Variants in ADGRL3 observed in about 807,000 individuals in gnomAD.
ADGRL3 encodes the protein calcium-independent alpha-latrotoxin receptor 3.
Under a neutral mutation model 153.5 loss-of-function variants are expected in ADGRL3, and 62 were observed. That is an observed-to-expected ratio of 0.40 (90% CI 0.33 to 0.50). The LOEUF (loss-of-function observed/expected upper bound fraction) is 0.50, where lower values mean the gene tolerates loss of function less well. ADGRL3 is among the 20% of genes least tolerant of loss of function. ADGRL3 has a pLI of 0.47. For missense variants in ADGRL3, 1,641 were observed against 1,859.4 expected (o/e 0.88, Z 2.16); for synonymous variants, 710 against 672.5 (o/e 1.06, Z -0.86).
chr4:61,521,091 AACAG>A (rs2098528300), intron 4 of ADGRL3, among the ~76,000 whole-genome samples: 1 of 152,182 alleles, frequency 6.6e-6, no homozygotes, highest in Non-Finnish European at 1.5e-5. Context: ...GCAACTGTGT[AACAG>A]AGGCAATACT....
intron 4 of ADGRL3, among the ~76,000 whole-genome samples, chr4:61,536,219 A>G (rs2098654961): frequency 6.6e-6 from 1 of 151,994 alleles, no homozygotes; most frequent in Non-Finnish European, 1.5e-5. Context: ...CTGGTTTCTA[A>G]TGTTATTCCG....
intron 1 of ADGRL3, among the ~76,000 whole-genome samples, chr4:61,311,840 A>T (rs937014886): frequency 6.6e-6 from 1 of 152,208 alleles, no homozygotes; most frequent in Non-Finnish European, 1.5e-5. Context: ...GTCCAGACCC[A>T]TATATATTTG....
In ADGRL3 at chr4:61,467,633, A is replaced by C. The variant is rs147314496; in HGVS notation, c.-173-29488A>C. ...GTAGAAACACTCTGAAGTGGATATG[A>C]TCTCTGGTTTTCTTATCAAAGTTTG... is the stretch of plus-strand genomic sequence containing the variant. On this transcript the variant is annotated intron_variant, in intron 2 of 26. Coordinates refer to ENST00000683033, the MANE Select transcript of ADGRL3 (RefSeq NM_001387552.1). Among the ~76,000 whole-genome samples the C allele has an allele frequency of 7.3e-3, 1,115 of 152,234 alleles. 13 individuals are homozygous for C. Among genetic ancestry groups the C allele is most frequent in the African/African-American group, 0.023 (943 of 41,562 alleles).
chr4:61,432,573 CCTTTCTTTCTTTCTTT>C (rs1219373046), intron 2 of ADGRL3, among the ~76,000 whole-genome samples: 700 of 35,748 alleles, frequency 0.02, 51 homozygotes, highest in African/African-American at 0.052. Context: ...TCTTTCTCTT[CCTTTCTTTCTTTCTTT>C]CTTTCTTTCT....
chr4:61,922,243 G>C (rs2098773326), intron 13 of ADGRL3, among the ~76,000 whole-genome samples: 1 of 151,910 alleles, frequency 6.6e-6, no homozygotes, highest in Admixed American at 6.6e-5. Context: ...TTCTATAAAT[G>C]GAATTTCAGC....
At chr4:61,569,129 A>C (rs969523830) in intron 4 of ADGRL3, among the ~76,000 whole-genome samples, 12 of 152,108 alleles carry the variant, frequency 7.9e-5, no homozygotes, top group African/African-American at 2.9e-4. Context: ...TGTATTTCTT[A>C]GCTATAAAGT....
At chr4:61,310,903 G>A (rs2094976130) in intron 1 of ADGRL3, among the ~76,000 whole-genome samples, 1 of 151,842 alleles carries the variant, frequency 6.6e-6, no homozygotes, top group Non-Finnish European at 1.5e-5. Flanking sequence ...AGAAAGAGTG[G>A]AATGGATATA....
chr4:61,727,176 C>T (rs2096363460), intron 6 of ADGRL3, among the ~76,000 whole-genome samples: 1 of 151,868 alleles, frequency 6.6e-6, no homozygotes, highest in Non-Finnish European at 1.5e-5. Context: ...ATTTTATAAA[C>T]TCTTGGGAAA....
chr4:61,248,480 A>G (rs1577973236), intron 1 of ADGRL3, among the ~76,000 whole-genome samples: 3 of 152,170 alleles, frequency 2.0e-5, no homozygotes, highest in African/African-American at 7.2e-5. Context: ...CAGCTCAGCT[A>G]AACAGCAAAT....
chr4:61,871,552 A>T (rs892996791), intron 9 of ADGRL3, among the ~76,000 whole-genome samples: 2 of 152,288 alleles, frequency 1.3e-5, no homozygotes, highest in Non-Finnish European at 2.9e-5. Context: ...TTTATATGAA[A>T]TCTCTAGACC....
chr4:61,288,719 A>G (rs2150112684), intron 1 of ADGRL3, among the ~76,000 whole-genome samples: 1 of 152,170 alleles, frequency 6.6e-6, no homozygotes, highest in Admixed American at 6.6e-5. Flanking sequence ...AAAACTGTTT[A>G]AAGTAAATAA....
intron 1 of ADGRL3, among the ~76,000 whole-genome samples, chr4:61,329,412 T>A (rs571619687): frequency 6.6e-6 from 1 of 152,270 alleles, no homozygotes; most frequent in African/African-American, 2.4e-5. Flanking sequence ...CAAAAGTCAG[T>A]CCTTTGATGT....
chr4:61,381,139 T>C (rs908230483), intron 1 of ADGRL3, among the ~76,000 whole-genome samples: 1 of 151,938 alleles, frequency 6.6e-6, no homozygotes, highest in Non-Finnish European at 1.5e-5. Flanking sequence ...ATAGCCAAAG[T>C]GTAAATGGAA....
intron 5 of ADGRL3, among the ~76,000 whole-genome samples, chr4:61,657,363 T>A (rs760320263): frequency 6.6e-6 from 1 of 152,082 alleles, no homozygotes; most frequent in Non-Finnish European, 1.5e-5. Flanking sequence ...ATTGCAGACA[T>A]AGATACATAG....
intron 3 of ADGRL3, among the ~76,000 whole-genome samples, chr4:61,513,205 G>A (rs2098472804): frequency 6.6e-6 from 1 of 152,094 alleles, no homozygotes; most frequent in Admixed American, 6.6e-5. Context: ...AGCTGCTCAT[G>A]TAAGAAGAAC....
At chr4:61,683,669 A>T (rs1246512728) in intron 6 of ADGRL3, among the ~76,000 whole-genome samples, 1 of 152,196 alleles carries the variant, frequency 6.6e-6, no homozygotes, top group Non-Finnish European at 1.5e-5. Context: ...GGTGGGGATC[A>T]ATCAGAGGAA....
At chr4:61,701,028 C>T (rs2095748678) in intron 6 of ADGRL3, among the ~76,000 whole-genome samples, 1 of 152,076 alleles carries the variant, frequency 6.6e-6, no homozygotes, top group African/African-American at 2.4e-5. Flanking sequence ...TACTGTCACT[C>T]AGAAATGAAC....
At chr4:62,016,370 A>G (rs1486801433) in intron 21 of ADGRL3, among the ~76,000 whole-genome samples, 2 of 151,788 alleles carry the variant, frequency 1.3e-5, no homozygotes, top group African/African-American at 4.8e-5. Context: ...TCTATATTTT[A>G]TTTGTCTCAG....
chr4:61,460,773 A>G (rs2097802456), intron 2 of ADGRL3, among the ~76,000 whole-genome samples: 1 of 152,168 alleles, frequency 6.6e-6, no homozygotes, highest in African/African-American at 2.4e-5. Context: ...AACCCTTTAT[A>G]AAACCATCAG....
Sources: allele counts gnomAD v4.1 joint callset (sites outside exome capture counted in the v4.1 genomes callset), GRCh38; gene constraint gnomAD v4.1.1; transcripts MANE v1.5; gene names NCBI Gene and HGNC (gene_info 2026-07-23, HGNC 2026-07-21).